Variants in TUBB8 observed in about 807,000 individuals in gnomAD.
The protein encoded by TUBB8 is tubulin beta-8 chain.
Under a neutral mutation model 33.7 loss-of-function variants are expected in TUBB8, and 25 were observed. The observed-to-expected ratio is 0.74, with a 90% CI of 0.54 to 1.04. The LOEUF is 1.04. TUBB8 is among the 50% of genes least tolerant of loss of function. The pLI, the probability that TUBB8 is intolerant of heterozygous loss-of-function variation, is 0.00. For missense variants in TUBB8, 279 were observed against 608.0 expected (o/e 0.46, Z 5.69); for synonymous variants, 245 against 240.1 (o/e 1.02, Z -0.19).
intron 1 of TUBB8, among the ~76,000 whole-genome samples, chr10:69,386 C>T (rs1792450784): frequency 6.6e-6 from 1 of 152,168 alleles, no homozygotes; most frequent in Admixed American, 6.6e-5. Context: ...AAGACACTGT[C>T]CAGCAAAATC....
At chr10:73,048 T>A (rs1172965861) in intron 1 of TUBB8, among the ~76,000 whole-genome samples, 9 of 152,192 alleles carry the variant, frequency 5.9e-5, no homozygotes, top group Non-Finnish European at 8.8e-5. Context: ...ATATAGTTAA[T>A]ACATTTCAAC....
intron 1 of TUBB8, among the ~76,000 whole-genome samples, chr10:67,770 T>A (rs1209620005): frequency 6.6e-6 from 1 of 152,158 alleles, no homozygotes; most frequent in Non-Finnish European, 1.5e-5. Context: ...CCAAATAATA[T>A]TATTACTGTT....
upstream of TUBB8, among the ~76,000 whole-genome samples, chr10:54,228 T>C (rs1171500479): frequency 2.0e-5 from 3 of 151,810 alleles, no homozygotes; most frequent in East Asian, 3.8e-4. Context: ...CCTTATACTC[T>C]CTATCTCTAT....
intron 1 of TUBB8, among the ~76,000 whole-genome samples, chr10:67,196 G>T (rs1834682583): frequency 6.8e-6 from 1 of 146,366 alleles, no homozygotes. Flanking sequence ...TGCATCCCTT[G>T]ATATTTCGTA....
At chr10:68,681 C>T (rs190772625) in intron 1 of TUBB8, among the ~76,000 whole-genome samples, 8,354 of 108,190 alleles carry the variant, frequency 0.077, no homozygotes, top group African/African-American at 0.18. Context: ...TCTTAGATTC[C>T]TCAGCAGTTA....
At chr10:51,446 A>G (rs1554739574), upstream of TUBB8, among the ~76,000 whole-genome samples, 1 of 152,198 alleles carries the variant, frequency 6.6e-6, no homozygotes, top group African/African-American at 2.4e-5. Flanking sequence ...GCCATGTAGA[A>G]GATGTAACTT....
intron 1 of TUBB8, among the ~76,000 whole-genome samples, chr10:70,442 C>A (rs1834722306): frequency 1.3e-5 from 2 of 152,070 alleles, no homozygotes; most frequent in African/African-American, 4.8e-5. Context: ...ACTCTCCCCA[C>A]CCCACAACAG....
At chr10:60,662 G>A (rs1554740726) in intron 1 of TUBB8, among the ~76,000 whole-genome samples, 5 of 152,174 alleles carry the variant, frequency 3.3e-5, no homozygotes. Flanking sequence ...GTGGAAGTCA[G>A]TGTGGTGATT....
At chr10:60,307 A>C (rs1834581545) in intron 1 of TUBB8, among the ~76,000 whole-genome samples, 1 of 152,142 alleles carries the variant, frequency 6.6e-6, no homozygotes, top group Non-Finnish European at 1.5e-5. Flanking sequence ...AAATGGGAGA[A>C]AATTTTTGCA....
chr10:56,619 T>A (rs1834534249), intron 1 of TUBB8, among the ~76,000 whole-genome samples: 1 of 150,020 alleles, frequency 6.7e-6, no homozygotes, highest in African/African-American at 2.5e-5. Context: ...CCAGGTCTCA[T>A]GAAAACTTAA....
chr10:51,118 A>G (rs1209975218), upstream of TUBB8, among the ~76,000 whole-genome samples: 10 of 152,166 alleles, frequency 6.6e-5, no homozygotes, highest in African/African-American at 2.2e-4. Flanking sequence ...AATAAGCCTC[A>G]TGAGATCTGA....
intron 1 of TUBB8, among the ~76,000 whole-genome samples, chr10:56,989 A>G (rs1162220153): frequency 6.6e-6 from 1 of 152,214 alleles, no homozygotes; most frequent in Non-Finnish European, 1.5e-5. Flanking sequence ...AATGGGGCAT[A>G]GGCATTGGGT....
chr10:62,920 C>A (rs553299388), intron 1 of TUBB8, among the ~76,000 whole-genome samples: 33 of 152,238 alleles, frequency 2.2e-4, no homozygotes, highest in Non-Finnish European at 8.8e-5. Flanking sequence ...AGAATCATTT[C>A]TTTATCCTTA....
At chr10:69,060 G>C (rs1482752742) in intron 1 of TUBB8, among the ~76,000 whole-genome samples, 1 of 152,138 alleles carries the variant, frequency 6.6e-6, no homozygotes, top group Non-Finnish European at 1.5e-5. Flanking sequence ...CAATCCCCCT[G>C]CCCGCAACTG....
chr10:73,464 A>G (rs1232260675), intron 1 of TUBB8, among the ~76,000 whole-genome samples: 1 of 152,184 alleles, frequency 6.6e-6, no homozygotes, highest in African/African-American at 2.4e-5. Flanking sequence ...ACCAACATGG[A>G]GAAACCCCGT....
At chr10:53,950 C>T (rs1349623039), upstream of TUBB8, among the ~76,000 whole-genome samples, 2,339 of 114,058 alleles carry the variant, frequency 0.021, no homozygotes, top group Middle Eastern at 0.041. Flanking sequence ...TATGGGGGTA[C>T]ATGACATACT....
At chr10:74,315 C>T (rs1265056457), upstream of TUBB8, among the ~76,000 whole-genome samples, 1 of 151,490 alleles carries the variant, frequency 6.6e-6, no homozygotes. Flanking sequence ...CCATCCCGTC[C>T]CTTGACCGGA....
rs528907230 is a variant in TUBB8, at chr10:48,573, CCTGG to C, written c.277+38_277+41del. 3.4e-3 allele frequency: 5,216 copies of C among 1,547,296 alleles called. 9 individuals carry two copies. The highest frequency in any genetic ancestry group is 4.2e-3 in the Non-Finnish European group (4,703 of 1,120,032). ...AGCACACTCCTGGATTTTGAGCTGC[CCTGG>C]CTAAGGAGCCGCACCCCAGTCCTCG... On this transcript the variant is annotated intron_variant, in intron 3 of 3. Transcript: ENST00000568584.
chr10:67,270 A>G (rs1554741717), intron 1 of TUBB8, among the ~76,000 whole-genome samples: 1 of 152,190 alleles, frequency 6.6e-6, no homozygotes, highest in African/African-American at 2.4e-5. Context: ...CAGGAATCAC[A>G]AAGAATCTGT....
Sources: gnomAD v4.1 joint callset for allele counts (sites outside exome capture counted in the v4.1 genomes callset) on GRCh38, gnomAD v4.1.1 for gene constraint, MANE v1.5 for transcripts, NCBI Gene and HGNC (gene_info 2026-07-23, HGNC 2026-07-21) for gene names.